Variants in PRDM10 observed in about 807,000 individuals in gnomAD.
PRDM10 encodes the protein PR domain zinc finger protein 10.
In PRDM10, 65 loss-of-function variants were observed where a neutral mutation model predicts 133.1. That is an observed-to-expected ratio of 0.49 (90% CI 0.40 to 0.60). The LOEUF (loss-of-function observed/expected upper bound fraction) is 0.60. PRDM10 is among the 20% of genes least tolerant of loss of function. PRDM10 has a pLI of 0.00. For missense variants in PRDM10, 1,137 were observed against 1,507.1 expected, an observed-to-expected ratio of 0.75 and a Z score of 4.07; for synonymous variants, 582 against 580.4, an observed-to-expected ratio of 1.00 and a Z score of -0.04.
intron 11 of PRDM10, among the ~76,000 whole-genome samples, chr11:129,929,756 CAA>C (rs67664190): frequency 1.7e-4 from 15 of 90,124 alleles, no homozygotes; most frequent in African/African-American, 1.9e-4. Context: ...TTTTTCCTTC[CAA>C]AAAAAAAAAA....
intron 17 of PRDM10, among the ~76,000 whole-genome samples, chr11:129,913,810 A>C (rs948490807): frequency 5.3e-5 from 8 of 152,220 alleles, no homozygotes; most frequent in African/African-American, 1.4e-4. Context: ...TTCAGAGACC[A>C]AATGATTTCA....
At chr11:129,908,520 G>A (rs979670417) in intron 19 of PRDM10, among the ~76,000 whole-genome samples, 6 of 152,148 alleles carry the variant, frequency 3.9e-5, no homozygotes, top group Non-Finnish European at 8.8e-5. Flanking sequence ...TTATGGATGA[G>A]GTGATATGAT....
intron 13 of PRDM10, among the ~76,000 whole-genome samples, chr11:129,919,011 G>T (rs914558623): frequency 5.9e-5 from 9 of 152,198 alleles, no homozygotes; most frequent in African/African-American, 1.9e-4. Flanking sequence ...AGATTAAAGA[G>T]AACACGGAAC....
At chr11:129,914,667 C>T (rs2135743864) in intron 17 of PRDM10, 37 bp downstream of exon 17, 2 of 1,611,716 alleles carry the variant, frequency 1.2e-6, no homozygotes, top group Non-Finnish European at 1.7e-6. Flanking sequence ...GGCAACACGG[C>T]ATTCATAAGG....
At chr11:129,942,663 C>T (rs542317878) in intron 6 of PRDM10, 34 bp from the exon 7 acceptor site, 1 of 1,538,176 alleles carries the variant, frequency 6.5e-7, no homozygotes, top group East Asian at 2.3e-5. Flanking sequence ...AAAAACAAAA[C>T]AAAACCTTCA....
Position 129,918,080 on chromosome 11 carries a change from G to A in PRDM10, c.2214+459C>T, listed in dbSNP as rs1950411874. ...TGGGAGGGGGAGGTTGCAGTGAGCT[G>A]AGATCACGCCATTTCACTCCAGCCT... On this transcript the variant is annotated intron_variant, in intron 14 of 20. Coordinates refer to ENST00000360871, the MANE Select transcript of PRDM10 (RefSeq NM_199437.2). The surrounding 1 kb of genome is among the most constrained non-coding windows in gnomAD (Gnocchi z 5.3). 6.6e-6 allele frequency among the ~76,000 whole-genome samples: 1 copy of A among 152,084 alleles called. No homozygotes were observed. The highest frequency in any genetic ancestry group is 1.5e-5 in the Non-Finnish European group (1 of 68,000).
chr11:129,938,936 C>T (rs560344524), intron 7 of PRDM10, among the ~76,000 whole-genome samples: 184 of 152,290 alleles, frequency 1.2e-3, no homozygotes, highest in African/African-American at 4.2e-3. Flanking sequence ...TTCACCATCC[C>T]AAGTCTTCAG....
Position 129,932,113 on chromosome 11 carries a change from C to T in PRDM10, c.1276G>A (p.Asp426Asn), listed in dbSNP as rs745814299. 8 of 1,613,968 alleles carry T rather than the reference C, an allele frequency of 5.0e-6. No individual in the cohort carries two copies. The highest frequency in any genetic ancestry group is 4.0e-5 in the African/African-American group (3 of 75,032). ...ITSENGEKSD[D>N]GTQDLLHFPT... ...CCGTCCCCCCGTACCTGTGTCCCAT[C>T]GTCACTCTTTTCCCCATTTTCGCTG... Residue 426 changes from aspartate (D) to asparagine (N), a missense_variant, in exon 10 of 21, where the codon GAT becomes AAT. Asp to Asn is a conservative substitution (Grantham distance 23). Coordinates refer to ENST00000360871, the MANE Select transcript of PRDM10 (RefSeq NM_199437.2).
chr11:129,952,134 T>C (rs1181545922), intron 4 of PRDM10, among the ~76,000 whole-genome samples: 1 of 152,236 alleles, frequency 6.6e-6, no homozygotes, highest in Non-Finnish European at 1.5e-5. Context: ...TTTGTGGAGC[T>C]GAGTACAACT....
chr11:129,957,887 T>A lies in PRDM10; in HGVS notation c.93A>T (p.Gly31=). The change falls in exon 3 of 21, where the codon GGA becomes GGT. Residue 31 remains glycine, a synonymous_variant. Coordinates refer to ENST00000360871, the MANE Select transcript of PRDM10 (RefSeq NM_199437.2). ...AAQVHFVPDT[G]TVAQIVYTDD... ...CGGTATAGACAATCTGAGCCACTGTTCCTGTGTCCGGAACAAAGTGCACCT... is the reference window on the plus strand; with the variant it reads ...CGGTATAGACAATCTGAGCCACTGTACCTGTGTCCGGAACAAAGTGCACCT... 1 of 1,613,368 alleles carries A rather than the reference T, an allele frequency of 6.2e-7. No homozygotes were observed. The highest frequency in any genetic ancestry group is 8.5e-7 in the Non-Finnish European group (1 of 1,179,648).
intron 17 of PRDM10, 56 bp downstream of exon 17, chr11:129,914,648 G>A (rs766414155): frequency 3.1e-6 from 5 of 1,594,658 alleles, no homozygotes; most frequent in Non-Finnish European, 3.4e-6. Flanking sequence ...CTGAGAATGA[G>A]GTGCTAGTGG....
In PRDM10 at chr11:129,923,545, T is replaced by C. The variant is rs1330770569; in HGVS notation, c.1879-142A>G. ...CGCCGAGGAATCCAATCAGATGTGA[T>C]AATTGGCCTCAATAACACATACTGT... is the stretch of plus-strand genomic sequence containing the variant. On this transcript the variant is annotated intron_variant, in intron 12 of 20. Transcript: ENST00000360871. The surrounding 1 kb of genome is among the most constrained non-coding windows in gnomAD (Gnocchi z 4.4). The C allele has an allele frequency of 5.7e-6, 5 of 870,422 alleles. No individual in the cohort carries two copies. Among genetic ancestry groups the C allele is most frequent in the Non-Finnish European group, 8.4e-6 (5 of 595,286 alleles). The allele number at this position is 870,422 out of a possible 1,614,324, so 53.9% of individuals were successfully genotyped here. A position where few individuals can be genotyped will look rare whatever the true frequency, so the allele number is the denominator to read the frequency against.
chr11:129,933,093 A>C (rs967821341), intron 9 of PRDM10, among the ~76,000 whole-genome samples: 2 of 152,246 alleles, frequency 1.3e-5, no homozygotes, highest in African/African-American at 4.8e-5. Context: ...CCTTAATAAA[A>C]GAGGCTTAAA....
At chr11:129,915,332 G>A (rs764694315) in intron 16 of PRDM10, among the ~76,000 whole-genome samples, 5 of 151,948 alleles carry the variant, frequency 3.3e-5, no homozygotes, top group Non-Finnish European at 5.9e-5. Flanking sequence ...AAGCCACCAC[G>A]TAACTTTCTA....
At chr11:129,914,450 T>C (rs1950288026) in intron 17 of PRDM10, 3 of 557,480 alleles carry the variant, frequency 5.4e-6, no homozygotes, top group Non-Finnish European at 9.6e-6. Context: ...CTGTGGCTAC[T>C]GTCCTGCCAC....
chr11:129,960,890 C>T lies in PRDM10; in HGVS notation c.69+6G>A. On this transcript the variant is annotated splice_donor_region_variant and intron_variant, in intron 2 of 20. Coordinates refer to ENST00000360871, the MANE Select transcript of PRDM10 (RefSeq NM_199437.2). ...CAATACCAAGCTGGAAAAGACCAGT[C>T]TTCACCTGTGCGGCATTCTGTTCAT... 6.2e-7 allele frequency: 1 copy of T among 1,614,144 alleles called. No individual in the cohort carries two copies. The highest frequency in any genetic ancestry group is 8.5e-7 in the Non-Finnish European group (1 of 1,180,020).
chr11:129,978,026 AT>A (rs10556101), intron 1 of PRDM10, among the ~76,000 whole-genome samples: 4,168 of 148,832 alleles, frequency 0.028, 112 homozygotes, highest in African/African-American at 0.076. Flanking sequence ...GATTTCAACA[AT>A]TTTTTTTTTT....
intron 5 of PRDM10, among the ~76,000 whole-genome samples, chr11:129,946,325 C>T (rs188942051): frequency 2.0e-5 from 3 of 152,032 alleles, no homozygotes; most frequent in Non-Finnish European, 2.9e-5. Flanking sequence ...AAAACCAAAA[C>T]GAGCAAGTTC....
rs752252620 is a variant in PRDM10, at chr11:129,915,669, G to A, written c.2517C>T (p.Tyr839=). 3 of 1,604,124 alleles carry A rather than the reference G, an allele frequency of 1.9e-6. No individual in the cohort carries two copies. Among genetic ancestry groups the A allele is most frequent in the East Asian group, 2.2e-5 (1 of 44,650 alleles). The change falls in exon 16 of 21, where the codon TAC becomes TAT. Residue 839 remains tyrosine (Y), a synonymous_variant. Transcript: ENST00000360871. ...CAGAAACTCCCCCTACCTTGCTGCT[G>A]TACTGCTTGGAGCAGTGGGGACAGC... ...PVCCPHCSKQ[Y]SSKTKMVQHI...
Sources: gnomAD v4.1 joint callset for allele counts (sites outside exome capture counted in the v4.1 genomes callset) on GRCh38, gnomAD v4.1.1 for gene constraint, Gnocchi (gnomAD v3.1) non-coding constraint, MANE v1.5 for transcripts, NCBI Gene and HGNC (gene_info 2026-07-23, HGNC 2026-07-21) for gene names.